CNTN5: variants seen among roughly 807,000 people sequenced by gnomAD.
The protein encoded by CNTN5 is contactin 5, also known as contactin-5.
Under a neutral mutation model 129.1 loss-of-function variants are expected in CNTN5, and 77 were observed. The ratio of observed to expected loss-of-function variants is 0.60; its 90% CI spans 0.50 to 0.72. The LOEUF is 0.72. CNTN5 is among the 30% of genes least tolerant of loss of function. The pLI is 0.00. For missense variants in CNTN5, 1,478 were observed against 1,328.8 expected, an observed-to-expected ratio of 1.11 and a Z score of -1.75; for synonymous variants, 509 against 465.6, an observed-to-expected ratio of 1.09 and a Z score of -1.20.
At chr11:99,189,734 G>C (rs1055878290) in intron 1 of CNTN5, among the ~76,000 whole-genome samples, 1 of 151,356 alleles carries the variant, frequency 6.6e-6, no homozygotes, top group Non-Finnish European at 1.5e-5. Context: ...ATGTATTCTA[G>C]TCCACATTTT....
rs182540592 is a variant in CNTN5, at chr11:99,386,550, C to T, written c.-71+61066C>T. Among the ~76,000 whole-genome samples the T allele has an allele frequency of 3.9e-4, 60 of 152,118 alleles. 1 individual carries two copies. In the East Asian group the frequency reaches 9.7e-3, roughly 25 times the overall value. The stretch of plus-strand genomic sequence containing the variant: ...GTCACTCTCATGGCCATCTTGGTTT[C>T]GGTGGGTTTTAGCCGGCTTCTTTAA... On this transcript the variant is annotated intron_variant, in intron 2 of 24. Transcript: ENST00000524871.
At chr11:99,770,637 GT>G (rs1289296643) in intron 3 of CNTN5, among the ~76,000 whole-genome samples, 1 of 151,710 alleles carries the variant, frequency 6.6e-6, no homozygotes, top group African/African-American at 2.4e-5. Context: ...CAATGTCTTA[GT>G]TTGTAATGCA....
At chr11:99,529,412 TA>T (rs1202611158) in intron 2 of CNTN5, among the ~76,000 whole-genome samples, 3 of 152,160 alleles carry the variant, frequency 2.0e-5, no homozygotes, top group African/African-American at 7.2e-5. Flanking sequence ...CATTTCCAAA[TA>T]AAGACAATAA....
At chr11:99,956,018 T>A (rs889518743) in intron 7 of CNTN5, among the ~76,000 whole-genome samples, 1 of 152,280 alleles carries the variant, frequency 6.6e-6, no homozygotes, top group East Asian at 1.9e-4. Flanking sequence ...ACTGTTTTTC[T>A]TATATTTAAA....
chr11:100,157,691 C>T (rs959503150), intron 13 of CNTN5, among the ~76,000 whole-genome samples: 5 of 151,700 alleles, frequency 3.3e-5, no homozygotes, highest in African/African-American at 1.2e-4. Context: ...ATGAAGACAA[C>T]TATGATACAG....
chr11:100,058,697 A>C (rs1408981039), intron 9 of CNTN5, among the ~76,000 whole-genome samples: 1 of 152,180 alleles, frequency 6.6e-6, no homozygotes, highest in Non-Finnish European at 1.5e-5. Context: ...AAGATACGTA[A>C]GGATGTTTAT....
intron 1 of CNTN5, among the ~76,000 whole-genome samples, chr11:99,293,654 T>C: frequency 6.6e-6 from 1 of 152,254 alleles, no homozygotes; most frequent in East Asian, 1.9e-4. Flanking sequence ...TTGAAGGTTG[T>C]ATATGTTCAC....
chr11:99,524,227 T>C (rs1433303972), intron 2 of CNTN5, among the ~76,000 whole-genome samples: 1 of 152,198 alleles, frequency 6.6e-6, no homozygotes, highest in East Asian at 1.9e-4. Flanking sequence ...TCTGGCATTG[T>C]CAGGTCACTA....
At chr11:99,985,601 G>T (rs1368444705) in intron 8 of CNTN5, among the ~76,000 whole-genome samples, 1 of 152,148 alleles carries the variant, frequency 6.6e-6, no homozygotes, top group Non-Finnish European at 1.5e-5. Context: ...TTCACTTTGG[G>T]CCATGGGTTT....
intron 1 of CNTN5, among the ~76,000 whole-genome samples, chr11:99,241,318 G>GTTGTT (rs1861542488): frequency 5.7e-5 from 5 of 88,040 alleles, no homozygotes; most frequent in Admixed American, 1.5e-4. Context: ...TTGATTGTTG[G>GTTGTT]TTTTTTTTTT....
chr11:100,030,632 T>G (rs766654328), intron 9 of CNTN5, among the ~76,000 whole-genome samples: 6 of 152,224 alleles, frequency 3.9e-5, no homozygotes, highest in Non-Finnish European at 7.3e-5. Flanking sequence ...AAAGGGCTGA[T>G]GTACATGAAT....
chr11:99,067,796 G>A (rs1865164747), intron 1 of CNTN5, among the ~76,000 whole-genome samples: 1 of 152,084 alleles, frequency 6.6e-6, no homozygotes, highest in Non-Finnish European at 1.5e-5. Flanking sequence ...AATTTATTAA[G>A]TAATTAATGC....
intron 1 of CNTN5, among the ~76,000 whole-genome samples, chr11:99,119,190 T>G (rs1425768946): frequency 6.6e-6 from 1 of 152,170 alleles, no homozygotes; most frequent in African/African-American, 2.4e-5. Flanking sequence ...CAGAGTGTTA[T>G]ATAGGTAAAC....
intron 18 of CNTN5, among the ~76,000 whole-genome samples, chr11:100,288,174 C>A (rs1358720905): frequency 2.6e-5 from 4 of 152,120 alleles, no homozygotes; most frequent in Admixed American, 6.6e-5. Flanking sequence ...CTTTAACAAC[C>A]CACTGTCAAC....
At chr11:100,195,678 G>T (rs1036220823) in intron 15 of CNTN5, among the ~76,000 whole-genome samples, 3 of 151,892 alleles carry the variant, frequency 2.0e-5, no homozygotes, top group African/African-American at 7.2e-5. Flanking sequence ...TATACTTTTA[G>T]TATGCATATG....
At chr11:99,300,092 C>T (rs1021129710) in intron 1 of CNTN5, among the ~76,000 whole-genome samples, 1 of 152,014 alleles carries the variant, frequency 6.6e-6, no homozygotes, top group Admixed American at 6.6e-5. Flanking sequence ...GTTATTCTGA[C>T]AGGTTGACGC....
rs1355818500 is a variant in CNTN5, at chr11:100,191,177, A to G, written c.1632A>G (p.Ser544=). 6.2e-7 allele frequency: 1 copy of G among 1,611,696 alleles called. No individual in the cohort carries two copies. Among genetic ancestry groups the G allele is most frequent in the African/African-American group, 1.3e-5 (1 of 74,946 alleles). Residue 544 remains serine, a synonymous_variant, in exon 14 of 25, where the codon TCA becomes TCG. Coordinates refer to ENST00000524871, the MANE Select transcript of CNTN5 (RefSeq NM_014361.4). ...TACGGATCCTAAATGCTTCCAAATC[A>G]GACGAGGGAAAGTACGTTTGCCGAG... The part of the protein sequence containing the change: ...GSLRILNASK[S]DEGKYVCRGE...
chr11:99,332,119 T>C (rs949774340), intron 2 of CNTN5, among the ~76,000 whole-genome samples: 3 of 152,160 alleles, frequency 2.0e-5, no homozygotes, highest in African/African-American at 4.8e-5. Context: ...ATAGAACTAT[T>C]ATTCACAAAA....
intron 7 of CNTN5, among the ~76,000 whole-genome samples, chr11:99,955,719 C>T (rs1180777293): frequency 6.6e-6 from 1 of 151,750 alleles, no homozygotes. Flanking sequence ...CCACCAGGCC[C>T]GGCTAATTTT....
Sources: gnomAD v4.1 joint callset for allele counts (sites outside exome capture counted in the v4.1 genomes callset) on GRCh38, gnomAD v4.1.1 for gene constraint, MANE v1.5 for transcripts, NCBI Gene and HGNC (gene_info 2026-07-23, HGNC 2026-07-21) for gene names.